Variants in ZNF469 observed in about 807,000 individuals in gnomAD.
ZNF469 encodes zinc finger protein 469.
Under a neutral mutation model 1.0 loss-of-function variants are expected in ZNF469, and 1 was observed. The ratio of observed to expected loss-of-function variants is 1.00; its 90% confidence interval spans 0.35 to 4.73. The LOEUF is 4.73. ZNF469 is among the 30% of genes most tolerant of loss of function. The pLI is 0.16. For synonymous variants in ZNF469, 2,703 were observed against 2,363.4 expected (o/e 1.14, Z -4.17); for missense variants, 6,100 against 5,356.3 (o/e 1.14, Z -4.33).
At chr16:88,195,678 T>C in the ZNF469 span, among the ~76,000 whole-genome samples, 2 of 152,152 alleles carry the variant, frequency 1.3e-5, no homozygotes, top group African/African-American at 4.8e-5. Flanking sequence ...AGATGGACGT[T>C]TGAAGAAAAG....
the ZNF469 span, among the ~76,000 whole-genome samples, chr16:88,117,453 C>A: frequency 6.6e-6 from 1 of 152,178 alleles, no homozygotes; most frequent in African/African-American, 2.4e-5. Context: ...TCTTTTTTTA[C>A]TTGGAGAGAC....
the ZNF469 span, among the ~76,000 whole-genome samples, chr16:88,298,717 C>A: frequency 6.6e-6 from 1 of 152,196 alleles, no homozygotes; most frequent in Non-Finnish European, 1.5e-5. Flanking sequence ...CCTCTCCCCA[C>A]TCCTCACTGG....
chr16:88,438,011 A>G lies in ZNF469; in HGVS notation c.10541A>G (p.Glu3514Gly). The change falls in exon 3 of 3, where the codon GAG becomes GGG. Residue 3514 changes from glutamate to glycine, a missense_variant. Glu to Gly is a moderately conservative substitution (Grantham distance 98). Coordinates refer to ENST00000565624, the MANE Select transcript of ZNF469 (RefSeq NM_001367624.2). ...SLPALLHLCS[E>G]VAPSTTKGWP... ...CCGGCCCTGCTCCACCTGTGTTCGG[A>G]GGTGGCTCCCAGCACCACCAAGGGA... The G allele has an allele frequency of 6.5e-7, 1 of 1,549,630 alleles. No homozygotes were observed. The highest frequency in any genetic ancestry group is 8.7e-7 in the Non-Finnish European group (1 of 1,146,884).
the ZNF469 span, among the ~76,000 whole-genome samples, chr16:88,343,461 C>G: frequency 6.6e-6 from 1 of 152,338 alleles, no homozygotes; most frequent in African/African-American, 2.4e-5. Context: ...TGACTTCTTC[C>G]TAAGAGCAGA....
chr16:88,339,044 C>T, the ZNF469 span, among the ~76,000 whole-genome samples: 1 of 151,408 alleles, frequency 6.6e-6, no homozygotes, highest in Non-Finnish European at 1.5e-5. Context: ...AGCTGGACTC[C>T]CCAGGGCTGC....
the ZNF469 span, among the ~76,000 whole-genome samples, chr16:88,353,427 T>A: frequency 6.6e-6 from 1 of 152,090 alleles, no homozygotes; most frequent in Non-Finnish European, 1.5e-5. Flanking sequence ...TGGGGCTCAG[T>A]CCCACCCAGC....
chr16:88,278,600 C>T, the ZNF469 span, among the ~76,000 whole-genome samples: 2 of 132,984 alleles, frequency 1.5e-5, no homozygotes, highest in East Asian at 2.7e-4. Context: ...CTGTGCCACG[C>T]TGACACTCGG....
the ZNF469 span, among the ~76,000 whole-genome samples, chr16:88,246,789 G>A: frequency 6.6e-6 from 1 of 152,190 alleles, no homozygotes; most frequent in African/African-American, 2.4e-5. Flanking sequence ...GAGTGAGGGA[G>A]GGAATAAATG....
At chr16:88,219,554 C>T in the ZNF469 span, among the ~76,000 whole-genome samples, 3 of 147,490 alleles carry the variant, frequency 2.0e-5, no homozygotes, top group Non-Finnish European at 3.0e-5. Context: ...GCTGGGAAAA[C>T]TGGCTAGCCA....
chr16:88,406,548 C>T (rs1255943047), intron 1 of ZNF469, among the ~76,000 whole-genome samples: 3 of 152,216 alleles, frequency 2.0e-5, no homozygotes, highest in Non-Finnish European at 4.4e-5. Context: ...TGCTTTGGTT[C>T]TTCTCATTAC....
chr16:88,221,911 C>T, the ZNF469 span, among the ~76,000 whole-genome samples: 1 of 152,130 alleles, frequency 6.6e-6, no homozygotes, highest in African/African-American at 2.4e-5. Context: ...AATTCACAGC[C>T]CTCCCTACTT....
chr16:88,227,577 C>G, the ZNF469 span, among the ~76,000 whole-genome samples: 1 of 148,260 alleles, frequency 6.7e-6, no homozygotes, highest in African/African-American at 2.5e-5. Context: ...CGGCCTGGCC[C>G]CCCCCTTCTC....
the ZNF469 span, among the ~76,000 whole-genome samples, chr16:88,343,277 G>T: frequency 6.6e-6 from 1 of 152,164 alleles, no homozygotes; most frequent in African/African-American, 2.4e-5. Flanking sequence ...GGGTTGTATG[G>T]GGTTAAAATC....
rs1229733477 is a variant in ZNF469 at position 88,428,106 on chromosome 16, G to A, written c.636G>A (p.Gln212=). 2.6e-6 allele frequency: 4 copies of A among 1,549,674 alleles called. No individual in the cohort carries two copies. In the South Asian group the frequency reaches 3.6e-5, roughly 14 times the overall value. ...TPRPPAPGPP[Q]SRGTSPLQPG... Reference sequence around the variant, plus strand: ...GGCCCCCAGCCCCGGGGCCCCCCCAGAGCAGGGGCACCAGCCCCCTCCAGC... The same window carrying A: ...GGCCCCCAGCCCCGGGGCCCCCCCAAAGCAGGGGCACCAGCCCCCTCCAGC... The change falls in exon 3 of 3, where the codon CAG becomes CAA. Residue 212 remains glutamine (Q), a synonymous_variant. Coordinates refer to ENST00000565624, the MANE Select transcript of ZNF469 (RefSeq NM_001367624.2).
At chr16:88,327,546 T>G in the ZNF469 span, among the ~76,000 whole-genome samples, 13 of 151,204 alleles carry the variant, frequency 8.6e-5, no homozygotes, top group African/African-American at 3.2e-4. Context: ...ACATATCACG[T>G]TGGGGTTGGG....
At chr16:88,104,480 G>A in the ZNF469 span, among the ~76,000 whole-genome samples, 7 of 151,810 alleles carry the variant, frequency 4.6e-5, no homozygotes, top group African/African-American at 1.2e-4. Flanking sequence ...TCATTACCCC[G>A]GACGTTAAGT....
chr16:88,428,175 G>T lies in ZNF469; in HGVS notation c.705G>T (p.Trp235Cys), dbSNP rs1597206050. The T allele has an allele frequency of 1.3e-6, 2 of 1,550,170 alleles. No individual in the cohort carries two copies. Among genetic ancestry groups the T allele is most frequent in the Non-Finnish European group, 8.7e-7 (1 of 1,146,878 alleles). Residue 235 changes from tryptophan to cysteine, a missense_variant, in exon 3 of 3, where the codon TGG (tryptophan) becomes TGT (cysteine). By Grantham distance (215) the Trp-to-Cys change is radical. Coordinates refer to ENST00000565624, the MANE Select transcript of ZNF469 (RefSeq NM_001367624.2). ...ACCAGGCCAGTGGGGCCGACTCCTG[G>T]CCTCCCGCTGCTGAGAATAGCTTCC... ...PEYQASGADS[W>C]PPAAENSFPG...
At chr16:88,123,643 GCC>G in the ZNF469 span, among the ~76,000 whole-genome samples, 2 of 151,532 alleles carry the variant, frequency 1.3e-5, no homozygotes, top group African/African-American at 2.4e-5. Context: ...CCAAACCCTT[GCC>G]AAAGGGGTCG....
In ZNF469 at chr16:88,438,879, G is replaced by C. The variant is rs150233193; in HGVS notation, c.11409G>C (p.Gly3803=). Residue 3803 remains glycine (G), a synonymous_variant, in exon 3 of 3, where the codon GGG becomes GGC. Coordinates refer to ENST00000565624, the MANE Select transcript of ZNF469 (RefSeq NM_001367624.2). ...AAGCTGGTGAGCAGGGGCCCCACGGGAGCCTAGGTCCCAAGGAGAAGGGAG... is the reference window on the plus strand; with the variant it reads ...AAGCTGGTGAGCAGGGGCCCCACGGCAGCCTAGGTCCCAAGGAGAAGGGAG... ...PREAGEQGPH[G]SLGPKEKGES... is the part of the protein sequence containing the mutation. 4.8e-3 allele frequency: 7,428 copies of C among 1,550,516 alleles called. 229 individuals are homozygous for C. The African/African-American group carries it at 0.076, about 16-fold the overall frequency.
Sources: allele counts gnomAD v4.1 joint callset (sites outside exome capture counted in the v4.1 genomes callset), GRCh38; gene constraint gnomAD v4.1.1; transcripts MANE v1.5; gene names NCBI Gene and HGNC (gene_info 2026-07-23, HGNC 2026-07-21).